Variants in COL22A1 observed in about 807,000 individuals in gnomAD.
COL22A1 encodes collagen type XXII alpha 1 chain, also known as collagen alpha-1(XXII) chain.
Under a neutral mutation model 248.9 loss-of-function variants are expected in COL22A1, and 221 were observed. The observed-to-expected ratio is 0.89, with a 90% confidence interval of 0.80 to 0.99. COL22A1 has a LOEUF of 0.99. Among genes scored for constraint, COL22A1 ranks in the 50% least tolerant of loss-of-function variants. COL22A1 has a pLI of 0.00. For missense variants in COL22A1, 2,240 were observed against 2,179.0 expected (o/e 1.03, Z -0.56); for synonymous variants, 891 against 793.4 (o/e 1.12, Z -2.07).
At chr8:138,704,738 G>A (rs1828267685) in intron 30 of COL22A1, among the ~76,000 whole-genome samples, 1 of 152,232 alleles carries the variant, frequency 6.6e-6, no homozygotes, top group Non-Finnish European at 1.5e-5. Context: ...AAGGAATGCA[G>A]CTCCTCGCCA....
intron 44 of COL22A1, among the ~76,000 whole-genome samples, chr8:138,659,581 C>T (rs560526438): frequency 3.3e-5 from 5 of 152,308 alleles, no homozygotes; most frequent in South Asian, 4.1e-4. Context: ...TCTCTCCATC[C>T]GCACAGCTGC....
At chr8:138,821,113 G>A (rs2131749839) in intron 7 of COL22A1, 23 bp downstream of exon 7, 4 of 1,605,508 alleles carry the variant, frequency 2.5e-6, no homozygotes, top group East Asian at 4.5e-5. Context: ...AACCTGGGCT[G>A]CAGAAGGCCC....
chr8:138,765,729 T>C (rs1833861500), intron 16 of COL22A1, among the ~76,000 whole-genome samples: 1 of 152,202 alleles, frequency 6.6e-6, no homozygotes, highest in Non-Finnish European at 1.5e-5. Context: ...GCCAAAGCTG[T>C]CTGTCTTGCA....
chr8:138,603,938 TCTC>T (rs1458116222), intron 59 of COL22A1, among the ~76,000 whole-genome samples: 1 of 152,188 alleles, frequency 6.6e-6, no homozygotes. Flanking sequence ...CTTCTGTTCA[TCTC>T]TCATCAAATA....
At chr8:138,682,226 C>T (rs1391565880) in intron 39 of COL22A1, among the ~76,000 whole-genome samples, 3 of 151,688 alleles carry the variant, frequency 2.0e-5, no homozygotes, top group Non-Finnish European at 4.4e-5. Context: ...TAGCAGCATG[C>T]ATGCATTCCA....
intron 17 of COL22A1, 55 bp from the exon 18 acceptor site, chr8:138,760,342 G>A: frequency 6.6e-7 from 1 of 1,512,418 alleles, no homozygotes; most frequent in Non-Finnish European, 9.0e-7. Context: ...TACGGTGGTG[G>A]GGTGTTGGGG....
chr8:138,893,297 C>A (rs1367941853), intron 1 of COL22A1, among the ~76,000 whole-genome samples: 5 of 152,190 alleles, frequency 3.3e-5, no homozygotes, highest in African/African-American at 1.2e-4. Context: ...CAATCAGCAT[C>A]CCTGTGTTCA....
chr8:138,667,714 G>A (rs1298958429), intron 41 of COL22A1, among the ~76,000 whole-genome samples: 2 of 151,972 alleles, frequency 1.3e-5, no homozygotes, highest in Non-Finnish European at 2.9e-5. Context: ...AGCTAATAAA[G>A]AAAGAATGAA....
intron 3 of COL22A1, among the ~76,000 whole-genome samples, chr8:138,865,495 G>T (rs1563860149): frequency 6.9e-6 from 1 of 144,138 alleles, no homozygotes; most frequent in Non-Finnish European, 1.5e-5. Flanking sequence ...GCATGTGTAT[G>T]TGTGTGTATG....
In COL22A1 at chr8:138,598,671, C is replaced by T; in HGVS notation, c.4365+48G>A. ...AGTCCACACACTTCCCTGGCTCCCC[C>T]TTAGGCCCCGAGGAGCCCCGAGTCC... On this transcript the variant is annotated intron_variant, in intron 61 of 64. Coordinates refer to ENST00000303045, the MANE Select transcript of COL22A1 (RefSeq NM_152888.3). 2.6e-6 allele frequency: 4 copies of T among 1,559,908 alleles called. No homozygotes were observed. The South Asian group carries it at 3.5e-5, about 14-fold the overall frequency.
chr8:138,760,112 A>T (rs1833333232), intron 18 of COL22A1, 131 bp downstream of exon 18: 3 of 545,134 alleles, frequency 5.5e-6, no homozygotes, highest in Non-Finnish European at 9.1e-6. Context: ...CCCAGCCACC[A>T]CCCTTTGTGT....
intron 56 of COL22A1, among the ~76,000 whole-genome samples, chr8:138,613,287 G>A (rs1047094061): frequency 1.3e-5 from 2 of 151,626 alleles, no homozygotes; most frequent in South Asian, 4.2e-4. Flanking sequence ...TTTTTGGAGA[G>A]AGACACAAGC....
intron 5 of COL22A1, 105 bp downstream of exon 5, chr8:138,832,934 G>T: frequency 1.4e-6 from 1 of 731,894 alleles, no homozygotes; most frequent in South Asian, 1.7e-5. Flanking sequence ...CACTGAGAAG[G>T]TTAAAGCCCG....
chr8:138,852,631 G>A (rs1413850512), intron 3 of COL22A1, among the ~76,000 whole-genome samples: 1 of 152,172 alleles, frequency 6.6e-6, no homozygotes, highest in African/African-American at 2.4e-5. Context: ...AGATCATTCA[G>A]TGATGAATGA....
At chr8:138,762,007 T>G (rs757273268) in intron 17 of COL22A1, among the ~76,000 whole-genome samples, 2 of 152,204 alleles carry the variant, frequency 1.3e-5, no homozygotes, top group Non-Finnish European at 2.9e-5. Flanking sequence ...GTCCTCAGCC[T>G]CATAGCACTC....
At position 138,856,277 on chromosome 8, in the gene COL22A1, G is replaced by C. The variant is rs766026034; in HGVS notation, c.659-12119C>G. On this transcript the variant is annotated intron_variant, in intron 3 of 64. Transcript: ENST00000303045. ...GCATGTCTCTGCATGTGTGTGCAGG[G>C]CTGCACTGTTCACTGTATGAAACCA... 3.3e-5 allele frequency among the ~76,000 whole-genome samples: 5 copies of C among 152,242 alleles called. No homozygotes were observed. In the East Asian group the frequency reaches 5.8e-4, roughly 18 times the overall value.
At chr8:138,826,237 A>G (rs944525259) in intron 6 of COL22A1, among the ~76,000 whole-genome samples, 3 of 152,222 alleles carry the variant, frequency 2.0e-5, no homozygotes, top group Non-Finnish European at 2.9e-5. Context: ...AACCCATCCC[A>G]GGACCCACAC....
chr8:138,770,729 C>A (rs562989636), intron 16 of COL22A1, among the ~76,000 whole-genome samples: 2 of 152,314 alleles, frequency 1.3e-5, no homozygotes, highest in South Asian at 4.1e-4. Flanking sequence ...CATCACGCAA[C>A]CCAGGCTCTT....
At chr8:138,854,362 T>A (rs1016006758) in intron 3 of COL22A1, among the ~76,000 whole-genome samples, 1 of 152,056 alleles carries the variant, frequency 6.6e-6, no homozygotes, top group Non-Finnish European at 1.5e-5. Flanking sequence ...AGCCCAGAAT[T>A]TCAGTGGATT....
Sources: allele counts gnomAD v4.1 joint callset (sites outside exome capture counted in the v4.1 genomes callset), GRCh38; gene constraint gnomAD v4.1.1; transcripts MANE v1.5; gene names NCBI Gene and HGNC (gene_info 2026-07-23, HGNC 2026-07-21).